The following ABLIM2 variants were observed in gnomAD, a reference collection of about 807,000 sequenced individuals.
ABLIM2 encodes the protein actin binding LIM protein family member 2.
In ABLIM2, 53 loss-of-function variants were observed where a neutral mutation model predicts 97.7. The ratio of observed to expected loss-of-function variants is 0.54; its 90% confidence interval spans 0.44 to 0.68. ABLIM2 has a LOEUF of 0.68. ABLIM2 is among the 30% of genes least tolerant of loss of function. ABLIM2 has a pLI of 0.00. For missense variants in ABLIM2, 835 were observed against 867.2 expected (o/e 0.96, Z 0.47); for synonymous variants, 361 against 345.8 (o/e 1.04, Z -0.49).
At position 8,148,536 on chromosome 4, in the gene ABLIM2, G is replaced by A. The variant is rs943945959; in HGVS notation, c.10+10144C>T. Among the ~76,000 whole-genome samples the A allele has an allele frequency of 6.6e-6, 1 of 152,196 alleles. No homozygotes were observed. The highest frequency in any genetic ancestry group is 2.4e-5 in the African/African-American group (1 of 41,452). On this transcript the variant is annotated intron_variant, in intron 1 of 20. Transcript: ENST00000447017. This position sits in a 1 kb window ranked among gnomAD's most constrained non-coding sequence, Gnocchi z 6.7. ...CCTGGGCCTCCGTTTGCTCACCTGT[G>A]AAGTGGGAATACTGGTAGTCCCGAG...
intron 2 of ABLIM2, among the ~76,000 whole-genome samples, chr4:8,100,035 C>T (rs1833728236): frequency 6.6e-6 from 1 of 152,144 alleles, no homozygotes; most frequent in Non-Finnish European, 1.5e-5. Context: ...ATGGGAGCAC[C>T]ATCCTTTGGG....
rs1165488072 is a variant in ABLIM2 at position 7,996,032 on chromosome 4, T to C, written c.1619-3105A>G. ...TGGGGTCCTCCAGGAGACACCTTCC[T>C]CCTCCTTCATGCCCAGAGCCAGGCA... On this transcript the variant is annotated intron_variant, in intron 16 of 20. Coordinates refer to ENST00000447017, the MANE Select transcript of ABLIM2 (RefSeq NM_001130083.2). The surrounding 1 kb of genome is among the most constrained non-coding windows in gnomAD (Gnocchi z 4.5). Among the ~76,000 whole-genome samples the C allele has an allele frequency of 6.6e-6, 1 of 152,056 alleles. No individual in the cohort carries two copies. The highest frequency in any genetic ancestry group is 2.4e-5 in the African/African-American group (1 of 41,414).
Position 8,112,550 on chromosome 4 carries a change from C to A in ABLIM2, c.11-5913G>T, listed in dbSNP as rs982007122. 6.6e-6 allele frequency among the ~76,000 whole-genome samples: 1 copy of A among 152,126 alleles called. No homozygotes were observed. The highest frequency in any genetic ancestry group is 6.6e-5 in the Admixed American group (1 of 15,258). ...GAGGGGTCAGATCAGGGGTGGCTAT[C>A]AGAAAGAGGAAAAACGATGACTCTG... is the stretch of plus-strand genomic sequence containing the variant. On this transcript the variant is annotated intron_variant, in intron 1 of 20. Transcript: ENST00000447017. The surrounding 1 kb of genome is among the most constrained non-coding windows in gnomAD (Gnocchi z 4.2).
rs1230759908 is a variant in ABLIM2, at chr4:8,006,924, G to A, written c.1618+1135C>T. ...GGTGACATCAGCCTTGTGCCTGAAT[G>A]CTGGGATCCTGGTATTTACAAAGCT... On this transcript the variant is annotated intron_variant, in intron 16 of 20. Transcript: ENST00000447017. 5.8e-6 allele frequency: 4 copies of A among 694,392 alleles called. No homozygotes were observed. The African/African-American group carries it at 7.8e-5, about 14-fold the overall frequency. 43.0% of individuals were successfully genotyped at this position (694,392 alleles called of 1,614,324 possible).
chr4:8,076,777 G>T (rs1577252485), intron 6 of ABLIM2, among the ~76,000 whole-genome samples: 1 of 136,828 alleles, frequency 7.3e-6, no homozygotes, highest in Non-Finnish European at 1.6e-5. Context: ...TGCAGGGTGG[G>T]GGGGTCTGTG....
At position 8,085,720 on chromosome 4, in the gene ABLIM2, G is replaced by A. The variant is rs1206065663; in HGVS notation, c.454+2449C>T. On this transcript the variant is annotated intron_variant, in intron 4 of 20. Coordinates refer to ENST00000447017, the MANE Select transcript of ABLIM2 (RefSeq NM_001130083.2). This position sits in a 1 kb window ranked among gnomAD's most constrained non-coding sequence, Gnocchi z 6.1. ...CCACGCTGCAGCCCCGTCCACTCAC[G>A]CGGGTCTGGGGGGTGCACCCAGCAC... Among the ~76,000 whole-genome samples the A allele has an allele frequency of 2.6e-5, 4 of 150,984 alleles. No homozygotes were observed. The highest frequency in any genetic ancestry group is 1.3e-4 in the Admixed American group (2 of 15,160).
At position 8,125,981 on chromosome 4, in the gene ABLIM2, C is replaced by T. The variant is rs1472352437; in HGVS notation, c.11-19344G>A. Among the ~76,000 whole-genome samples, 1 of 152,160 alleles carries T rather than the reference C, an allele frequency of 6.6e-6. No homozygotes were observed. Among genetic ancestry groups the T allele is most frequent in the Non-Finnish European group, 1.5e-5 (1 of 68,034 alleles). ...CCCTGGGAGGGGGAAGCCACACAGC[C>T]AACCCGCTTTTTCTGGGGGCCTCAT... On this transcript the variant is annotated intron_variant, in intron 1 of 20. Transcript: ENST00000447017. The surrounding 1 kb of genome is among the most constrained non-coding windows in gnomAD (Gnocchi z 6.2).
chr4:8,062,717 G>C (rs564266853), intron 6 of ABLIM2, among the ~76,000 whole-genome samples: 35 of 152,222 alleles, frequency 2.3e-4, no homozygotes, highest in African/African-American at 8.2e-4. Context: ...GGGATTACAG[G>C]CATGAGCCAC....
rs1435450065 is a variant in ABLIM2 at position 8,104,207 on chromosome 4, A to T, written c.154+2287T>A. Among the ~76,000 whole-genome samples the T allele has an allele frequency of 8.5e-5, 13 of 152,168 alleles. 1 individual carries two copies. The highest frequency in any genetic ancestry group is 4.4e-5 in the Non-Finnish European group (3 of 68,018). ...ACCTGCTTGTTTTTGGAAATGTGGG[A>T]GGATGGAGGCCGGCCACACTCACAC... On this transcript the variant is annotated intron_variant, in intron 2 of 20. Transcript: ENST00000447017.
At chr4:8,153,863 G>A (rs566410710) in intron 1 of ABLIM2, among the ~76,000 whole-genome samples, 6 of 152,290 alleles carry the variant, frequency 3.9e-5, no homozygotes, top group South Asian at 4.1e-4. Context: ...GGGCACCGAC[G>A]GCACTTCCCG....
chr4:8,082,853 T>C lies in ABLIM2; in HGVS notation c.455-2051A>G, dbSNP rs2152462488. On this transcript the variant is annotated intron_variant, in intron 4 of 20. Transcript: ENST00000447017. This position sits in a 1 kb window ranked among gnomAD's most constrained non-coding sequence, Gnocchi z 5.6. ...TCTGCCGCGCTCCTTCCTGTGTCTC[T>C]GCAGAGTCAGACGACGCACAGCCCT... 6.6e-6 allele frequency among the ~76,000 whole-genome samples: 1 copy of C among 152,336 alleles called. No individual in the cohort carries two copies. Among genetic ancestry groups the C allele is most frequent in the African/African-American group, 2.4e-5 (1 of 41,576 alleles).
rs1792683044 is a variant in ABLIM2 at position 8,046,712 on chromosome 4, G to A, written c.823-1471C>T. On this transcript the variant is annotated intron_variant, in intron 8 of 20. Transcript: ENST00000447017. The surrounding 1 kb of genome is among the most constrained non-coding windows in gnomAD (Gnocchi z 4.4). ...GGGCTGATCTGTGTCCACATTCGTAGGTTGAATCCTAACCCCCAGGACCTC... is the reference window on the plus strand; with the variant it reads ...GGGCTGATCTGTGTCCACATTCGTAAGTTGAATCCTAACCCCCAGGACCTC... Among the ~76,000 whole-genome samples the A allele has an allele frequency of 6.6e-6, 1 of 152,218 alleles. No homozygotes were observed. Among genetic ancestry groups the A allele is most frequent in the Middle Eastern group, 3.2e-3 (1 of 316 alleles).
chr4:7,982,008 G>T (rs1426082224), intron 20 of ABLIM2, among the ~76,000 whole-genome samples: 1 of 152,116 alleles, frequency 6.6e-6, no homozygotes, highest in Non-Finnish European at 1.5e-5. Flanking sequence ...GAGCAGCCTG[G>T]TGCCTTCTCC....
At chr4:8,016,659 C>T (rs1448596303) in intron 14 of ABLIM2, among the ~76,000 whole-genome samples, 1 of 152,176 alleles carries the variant, frequency 6.6e-6, no homozygotes, top group African/African-American at 2.4e-5. Flanking sequence ...GGCAGGACAG[C>T]TCCTGCCTGC....
intron 2 of ABLIM2, among the ~76,000 whole-genome samples, chr4:8,104,748 ACCT>A (rs776199109): frequency 2.6e-4 from 40 of 151,816 alleles, no homozygotes; most frequent in South Asian, 6.2e-4. Context: ...GTGGCCTCTG[ACCT>A]CCTCCAGGGC....
At chr4:7,981,711 G>A (rs539219934) in intron 20 of ABLIM2, among the ~76,000 whole-genome samples, 7 of 152,306 alleles carry the variant, frequency 4.6e-5, no homozygotes, top group African/African-American at 1.7e-4. Context: ...TCCCCTCCCT[G>A]TACCGAGGGA....
At chr4:8,040,061 G>C (rs1320063) in intron 9 of ABLIM2, among the ~76,000 whole-genome samples, 3 of 152,300 alleles carry the variant, frequency 2.0e-5, no homozygotes, top group African/African-American at 7.2e-5. Flanking sequence ...CCGTGGAGGA[G>C]ATGCAGCCAC....
rs972699079 is a variant in ABLIM2, at chr4:8,044,688, TCTCGAACG to T, written c.900+468_900+475del. 1.5e-4 allele frequency among the ~76,000 whole-genome samples: 22 copies of T among 151,164 alleles called. No individual in the cohort carries two copies. The highest frequency in any genetic ancestry group is 5.4e-4 in the African/African-American group (22 of 40,974). Reference sequence around the variant, plus strand: ...CACAGAGTCTCTCTCTCTCTCTCTCTCTCGAACGAACGAAAACGGGATCACATAATTTA... The same window carrying T: ...CACAGAGTCTCTCTCTCTCTCTCTCTAACGAAAACGGGATCACATAATTTA... On this transcript the variant is annotated intron_variant, in intron 9 of 20. Coordinates refer to ENST00000447017, the MANE Select transcript of ABLIM2 (RefSeq NM_001130083.2). This position sits in a 1 kb window ranked among gnomAD's most constrained non-coding sequence, Gnocchi z 4.4.
At chr4:8,080,824 A>T in intron 4 of ABLIM2, 22 bp from the exon 5 acceptor site, 3 of 1,591,264 alleles carry the variant, frequency 1.9e-6, no homozygotes, top group Non-Finnish European at 2.6e-6. Context: ...AGAAGAGAAC[A>T]CAGACACCCC....
Sources: gnomAD v4.1 joint callset for allele counts (sites outside exome capture counted in the v4.1 genomes callset) on GRCh38, gnomAD v4.1.1 for gene constraint, Gnocchi (gnomAD v3.1) non-coding constraint, MANE v1.5 for transcripts, NCBI Gene and HGNC (gene_info 2026-07-23, HGNC 2026-07-21) for gene names.